Variants in PPP3R1 observed in about 807,000 individuals in gnomAD.
PPP3R1 encodes the protein calcineurin subunit B type 1.
Under a neutral mutation model 22.6 loss-of-function variants are expected in PPP3R1, and 5 were observed. That is an observed-to-expected ratio of 0.22 (90% confidence interval 0.12 to 0.46). The LOEUF (loss-of-function observed/expected upper bound fraction) is 0.46. Among genes scored for constraint, PPP3R1 ranks in the 20% least tolerant of loss-of-function variants. The probability of loss-of-function intolerance (pLI) is 0.99; values close to 1 mark genes in which losing one functional copy is unlikely to be tolerated. For missense variants in PPP3R1, 61 were observed against 203.2 expected (o/e 0.30, Z 4.25); for synonymous variants, 56 against 65.2 (o/e 0.86, Z 0.68).
chr2:68,187,447 T>A (rs1271481769), intron 3 of PPP3R1, 133 bp from the exon 4 acceptor site: 4 of 740,888 alleles, frequency 5.4e-6, no homozygotes, highest in African/African-American at 1.8e-5. Context: ...CGTTTAAAAA[T>A]AAAATTGCCA....
intron 5 of PPP3R1, among the ~76,000 whole-genome samples, chr2:68,183,692 T>C (rs1312267534): frequency 6.6e-6 from 1 of 152,160 alleles, no homozygotes; most frequent in Non-Finnish European, 1.5e-5. Flanking sequence ...CAGGTTTCAG[T>C]TTTCCTTTTA....
chr2:68,198,182 T>A (rs1040383828), intron 2 of PPP3R1, among the ~76,000 whole-genome samples: 5 of 143,590 alleles, frequency 3.5e-5, no homozygotes, highest in African/African-American at 1.3e-4. Context: ...TACATGTATA[T>A]ATAATATATA....
At chr2:68,251,736 TGA>T (rs1670361323) in intron 1 of PPP3R1, among the ~76,000 whole-genome samples, 2 of 150,234 alleles carry the variant, frequency 1.3e-5, no homozygotes, top group Non-Finnish European at 3.0e-5. Flanking sequence ...AAAAACAGAG[TGA>T]GTGTGGAGGG....
chr2:68,184,078 G>A (rs1176012904), intron 5 of PPP3R1, among the ~76,000 whole-genome samples: 1 of 152,158 alleles, frequency 6.6e-6, no homozygotes, highest in Non-Finnish European at 1.5e-5. Context: ...CCTCATCTCT[G>A]CCTCATGTTT....
intron 1 of PPP3R1, among the ~76,000 whole-genome samples, chr2:68,240,142 A>T (rs923772149): frequency 2.6e-5 from 4 of 152,090 alleles, no homozygotes; most frequent in African/African-American, 9.7e-5. Context: ...GTCAAGGAGC[A>T]TTTGTAATTT....
rs1482967493 is a variant in PPP3R1, at chr2:68,180,813, T to C, written c.*150A>G. ...AGAATTACAGTTCAATAACACTTAGTTGGCTTCATGAGGCTCATGTTGGAA... is the reference window on the plus strand; with the variant it reads ...AGAATTACAGTTCAATAACACTTAGCTGGCTTCATGAGGCTCATGTTGGAA... On this transcript the variant is annotated 3_prime_UTR_variant, in exon 6 of 6. Transcript: ENST00000234310. 36 of 718,000 alleles carry C rather than the reference T, an allele frequency of 5.0e-5. No individual in the cohort carries two copies. The highest frequency in any genetic ancestry group is 7.5e-5 in the Non-Finnish European group (32 of 426,424). 44.5% of individuals were successfully genotyped at this position (718,000 alleles called of 1,614,324 possible).
chr2:68,229,735 GATAC>G (rs1293680830), intron 1 of PPP3R1, among the ~76,000 whole-genome samples: 2 of 152,000 alleles, frequency 1.3e-5, no homozygotes, highest in Non-Finnish European at 2.9e-5. Flanking sequence ...ATGTTTGCAT[GATAC>G]ATCTTTCTCC....
At chr2:68,206,024 G>C (rs977414649) in intron 2 of PPP3R1, among the ~76,000 whole-genome samples, 1 of 151,978 alleles carries the variant, frequency 6.6e-6, no homozygotes, top group Non-Finnish European at 1.5e-5. Context: ...CTCCATGTTG[G>C]TCAGGCTGGT....
chr2:68,224,524 C>T (rs746659819), intron 1 of PPP3R1, among the ~76,000 whole-genome samples: 9 of 151,802 alleles, frequency 5.9e-5, no homozygotes, highest in African/African-American at 1.9e-4. Context: ...ACTAGCCGGG[C>T]GTGGTGGCAG....
intron 1 of PPP3R1, among the ~76,000 whole-genome samples, chr2:68,221,286 C>T (rs1391299049): frequency 6.6e-6 from 1 of 151,462 alleles, no homozygotes; most frequent in Non-Finnish European, 1.5e-5. Flanking sequence ...GCAGAGATTG[C>T]ACCACTGCAC....
chr2:68,236,799 T>G (rs928721426), intron 1 of PPP3R1, among the ~76,000 whole-genome samples: 1 of 152,170 alleles, frequency 6.6e-6, no homozygotes, highest in Admixed American at 6.5e-5. Context: ...GTAAGGAATG[T>G]GGCCTTTTTC....
In PPP3R1 at chr2:68,224,241, A is replaced by T. The variant is rs528052494; in HGVS notation, c.4-7110T>A. On this transcript the variant is annotated intron_variant, in intron 1 of 5. Coordinates refer to ENST00000234310, the MANE Select transcript of PPP3R1 (RefSeq NM_000945.4). ...AGAAGACAATCCTAATAAAAATCCC[A>T]GCAGAATATTTTATAGAAATCAATA... Among the ~76,000 whole-genome samples the T allele has an allele frequency of 8.6e-4, 131 of 152,332 alleles. 1 individual carries two copies. The highest frequency in any genetic ancestry group is 3.0e-3 in the African/African-American group (123 of 41,574).
intron 2 of PPP3R1, among the ~76,000 whole-genome samples, chr2:68,214,833 T>C (rs1054835427): frequency 6.6e-6 from 1 of 152,160 alleles, no homozygotes; most frequent in African/African-American, 2.4e-5. Flanking sequence ...GACACATATA[T>C]TTACATTATT....
chr2:68,231,561 A>T (rs1036015395), intron 1 of PPP3R1, among the ~76,000 whole-genome samples: 29 of 152,336 alleles, frequency 1.9e-4, no homozygotes, highest in African/African-American at 6.3e-4. Context: ...GTTTTTCCTC[A>T]AAACTACTAT....
chr2:68,211,244 A>C (rs760046065), intron 2 of PPP3R1, among the ~76,000 whole-genome samples: 2 of 151,954 alleles, frequency 1.3e-5, no homozygotes, highest in Non-Finnish European at 2.9e-5. Context: ...GTCTCTACTA[A>C]AAATACAAAA....
intron 2 of PPP3R1, among the ~76,000 whole-genome samples, chr2:68,211,528 C>T (rs1195340086): frequency 6.6e-6 from 1 of 151,658 alleles, no homozygotes; most frequent in Non-Finnish European, 1.5e-5. Flanking sequence ...ACGGACTGAT[C>T]GGGGTGGCTG....
intron 1 of PPP3R1, among the ~76,000 whole-genome samples, chr2:68,245,358 T>C (rs1160363917): frequency 2.0e-5 from 3 of 152,046 alleles, no homozygotes; most frequent in African/African-American, 7.2e-5. Context: ...CAAGATCCTG[T>C]CTCCAAAAAG....
intron 1 of PPP3R1, among the ~76,000 whole-genome samples, chr2:68,242,258 C>G (rs1346845945): frequency 1.3e-5 from 2 of 151,992 alleles, no homozygotes; most frequent in Non-Finnish European, 2.9e-5. Flanking sequence ...GAAACCCTGT[C>G]TCTACTAAAA....
intron 2 of PPP3R1, among the ~76,000 whole-genome samples, chr2:68,210,464 C>T (rs564492017): frequency 2.2e-4 from 34 of 152,236 alleles, no homozygotes; most frequent in African/African-American, 7.2e-4. Flanking sequence ...CTTTATTTTA[C>T]GCAACCATAA....
Sources: gnomAD v4.1 joint callset for allele counts (sites outside exome capture counted in the v4.1 genomes callset) on GRCh38, gnomAD v4.1.1 for gene constraint, MANE v1.5 for transcripts, NCBI Gene and HGNC (gene_info 2026-07-23, HGNC 2026-07-21) for gene names.